SLC4A8: variants seen among roughly 807,000 people sequenced by gnomAD.
The protein encoded by SLC4A8 is solute carrier family 4 member 8.
SLC4A8 carries 40 observed loss-of-function variants against 125.0 expected under a neutral mutation model. The ratio of observed to expected loss-of-function variants is 0.32; its 90% CI spans 0.25 to 0.42. SLC4A8 has a LOEUF of 0.42. Ranked by LOEUF, SLC4A8 falls within the 10% of genes least tolerant of loss-of-function variation. The probability of loss-of-function intolerance (pLI) is 1.00; values close to 1 mark genes in which losing one functional copy is unlikely to be tolerated. For synonymous variants in SLC4A8, 456 were observed against 476.0 expected, an observed-to-expected ratio of 0.96 and a Z score of 0.55; for missense variants, 863 against 1,355.1, an observed-to-expected ratio of 0.64 and a Z score of 5.70.
rs147014576 is a variant in SLC4A8 at position 51,485,133 on chromosome 12, C to T, written c.2173-654C>T. ...GTGATGATGCCAATTGTGTGGCCCT[C>T]ATAGGCCAAGAAGGCCTTTTGACCA... On this transcript the variant is annotated intron_variant, in intron 16 of 24. Coordinates refer to ENST00000453097, the MANE Select transcript of SLC4A8 (RefSeq NM_001039960.3). 2.0e-5 allele frequency among the ~76,000 whole-genome samples: 3 copies of T among 152,250 alleles called. No homozygotes were observed. In the East Asian group the frequency reaches 5.8e-4, roughly 29 times the overall value.
chr12:51,461,093 C>T, intron 8 of SLC4A8, 111 bp from the exon 9 acceptor site: 1 of 516,566 alleles, frequency 1.9e-6, no homozygotes. Flanking sequence ...TTTGAAGGTA[C>T]AGTGATGATT....
chr12:51,408,139 C>T (rs1948526373), intron 1 of SLC4A8, among the ~76,000 whole-genome samples: 1 of 152,182 alleles, frequency 6.6e-6, no homozygotes, highest in Non-Finnish European at 1.5e-5. Context: ...GACCCTATTT[C>T]CAAATAAGGT....
intron 4 of SLC4A8, 76 bp downstream of exon 4, chr12:51,452,335 G>A (rs917916413): frequency 5.3e-6 from 8 of 1,513,606 alleles, no homozygotes; most frequent in Non-Finnish European, 7.3e-6. Flanking sequence ...TGACAGGCCT[G>A]CCTGCCTTAT....
chr12:51,479,262 G>C (rs879068822), intron 16 of SLC4A8, among the ~76,000 whole-genome samples: 2 of 152,152 alleles, frequency 1.3e-5, no homozygotes, highest in Admixed American at 1.3e-4. Context: ...CCCATACTAA[G>C]CAGCCTTACA....
intron 1 of SLC4A8, among the ~76,000 whole-genome samples, chr12:51,406,777 A>G (rs1948496629): frequency 6.6e-6 from 1 of 152,194 alleles, no homozygotes; most frequent in African/African-American, 2.4e-5. Flanking sequence ...CCTCTCCCCC[A>G]GATCCTTGAG....
Position 51,458,550 on chromosome 12 carries a change from T to C in SLC4A8, c.764-9T>C. 6.2e-7 allele frequency: 1 copy of C among 1,606,248 alleles called. No individual in the cohort carries two copies. Among genetic ancestry groups the C allele is most frequent in the Non-Finnish European group, 8.5e-7 (1 of 1,172,906 alleles). On this transcript the variant is annotated splice_polypyrimidine_tract_variant and intron_variant, in intron 6 of 24. Transcript: ENST00000453097. ...GGACTCAGGATTTTGTTTTATTTTC[T>C]CCAAATAGGTCAAACCGTGTCTCCT... is the stretch of plus-strand genomic sequence containing the variant.
In SLC4A8 at chr12:51,510,520, C is replaced by T. The variant is rs1481061155; in HGVS notation, c.*3082C>T. 6.6e-6 allele frequency: 1 copy of T among 151,912 alleles called. No homozygotes were observed. The highest frequency in any genetic ancestry group is 1.5e-5 in the Non-Finnish European group (1 of 68,012). 9.4% of individuals were successfully genotyped at this position (151,912 alleles called of 1,614,324 possible). On this transcript the variant is annotated 3_prime_UTR_variant, in exon 25 of 25. Coordinates refer to ENST00000453097, the MANE Select transcript of SLC4A8 (RefSeq NM_001039960.3). ...ATCAATTTGAAGTTTCTCGACCTTTCCATCAAGGATCTTGAATTTTTTCTC... is the reference window on the plus strand; with the variant it reads ...ATCAATTTGAAGTTTCTCGACCTTTTCATCAAGGATCTTGAATTTTTTCTC...
chr12:51,491,034 A>G (rs11169855), intron 19 of SLC4A8, among the ~76,000 whole-genome samples: 57,302 of 151,946 alleles, frequency 0.38, 11,139 homozygotes, highest in East Asian at 0.45. Flanking sequence ...TGGATGTGGA[A>G]TGGGGTGAGG....
intron 1 of SLC4A8, among the ~76,000 whole-genome samples, chr12:51,426,929 T>C (rs1228007476): frequency 3.3e-5 from 5 of 150,822 alleles, no homozygotes; most frequent in Admixed American, 1.3e-4. Context: ...GATTTTCTTT[T>C]TTTTTTCTTT....
chr12:51,488,885 G>C (rs781655052), intron 18 of SLC4A8, 25 bp downstream of exon 18: 1 of 1,591,560 alleles, frequency 6.3e-7, no homozygotes, highest in Non-Finnish European at 8.6e-7. Flanking sequence ...TGACCTAGAA[G>C]GCTGCTGTGG....
intron 7 of SLC4A8, among the ~76,000 whole-genome samples, chr12:51,459,733 A>G (rs771829401): frequency 9.9e-4 from 151 of 152,074 alleles, no homozygotes; most frequent in Admixed American, 2.5e-3. Context: ...TTAGCTGGAC[A>G]TGGTGGTGCA....
chr12:51,408,942 G>A (rs1486834767), intron 1 of SLC4A8, among the ~76,000 whole-genome samples: 1 of 151,972 alleles, frequency 6.6e-6, no homozygotes. Flanking sequence ...ATTTTTGCTT[G>A]CCCATTAATT....
At chr12:51,504,321 T>C (rs974385152) in intron 23 of SLC4A8, among the ~76,000 whole-genome samples, 1 of 152,212 alleles carries the variant, frequency 6.6e-6, no homozygotes, top group Non-Finnish European at 1.5e-5. Context: ...TATCAGGTTA[T>C]GGGAATCACA....
intron 22 of SLC4A8, among the ~76,000 whole-genome samples, chr12:51,498,328 T>C (rs1937663005): frequency 6.6e-6 from 1 of 152,028 alleles, no homozygotes; most frequent in African/African-American, 2.4e-5. Flanking sequence ...AAATGAGCAA[T>C]GGACATATAT....
chr12:51,493,644 T>G, intron 19 of SLC4A8, 60 bp from the exon 20 acceptor site: 1 of 1,059,474 alleles, frequency 9.4e-7, no homozygotes, highest in Non-Finnish European at 1.5e-6. Context: ...GTGTATATAG[T>G]TTTGAGTGTG....
At chr12:51,496,867 T>G in intron 21 of SLC4A8, 120 bp from the exon 22 acceptor site, 1 of 902,830 alleles carries the variant, frequency 1.1e-6, no homozygotes, top group Non-Finnish European at 1.7e-6. Context: ...ACTGTTAGGA[T>G]TATTATGAGT....
intron 16 of SLC4A8, 119 bp from the exon 17 acceptor site, chr12:51,485,668 T>C: frequency 1.6e-6 from 1 of 610,766 alleles, no homozygotes; most frequent in Non-Finnish European, 3.0e-6. Flanking sequence ...TTTGCTTGCA[T>C]TAATTCAACT....
At chr12:51,495,306 C>T (rs564799031) in intron 21 of SLC4A8, among the ~76,000 whole-genome samples, 188 bp downstream of exon 21, 49 of 152,206 alleles carry the variant, frequency 3.2e-4, no homozygotes, top group Non-Finnish European at 3.7e-4. Context: ...TGAAACTCTG[C>T]ACCTATTAAA....
intron 1 of SLC4A8, among the ~76,000 whole-genome samples, chr12:51,426,760 C>T (rs981637253): frequency 1.3e-5 from 2 of 151,774 alleles, no homozygotes; most frequent in Non-Finnish European, 2.9e-5. Flanking sequence ...TTATAACACA[C>T]AGGGCCATTT....
Sources: gnomAD v4.1 joint callset for allele counts (sites outside exome capture counted in the v4.1 genomes callset) on GRCh38, gnomAD v4.1.1 for gene constraint, MANE v1.5 for transcripts, NCBI Gene and HGNC (gene_info 2026-07-23, HGNC 2026-07-21) for gene names.